KIRREL3: variants seen among roughly 807,000 people sequenced by gnomAD.
KIRREL3 encodes the protein kirre like nephrin family adhesion molecule 3.
In KIRREL3, 36 loss-of-function variants were observed where a neutral mutation model predicts 89.7. The ratio of observed to expected loss-of-function variants is 0.40; its 90% confidence interval spans 0.31 to 0.53. The LOEUF is 0.53. Among genes scored for constraint, KIRREL3 ranks in the 20% least tolerant of loss-of-function variants. The probability of loss-of-function intolerance (pLI) is 0.49; values close to 1 mark genes in which losing one functional copy is unlikely to be tolerated. For missense variants in KIRREL3, 864 were observed against 1,056.6 expected, an observed-to-expected ratio of 0.82 and a Z score of 2.53; for synonymous variants, 445 against 441.4, an observed-to-expected ratio of 1.01 and a Z score of -0.10.
intron 1 of KIRREL3, among the ~76,000 whole-genome samples, chr11:126,573,838 G>C (rs578210279): frequency 6.6e-6 from 1 of 152,322 alleles, no homozygotes; most frequent in South Asian, 2.1e-4. Context: ...AGAGACCACA[G>C]GGTGGCAGCA....
chr11:126,460,912 G>A (rs1338668521), intron 6 of KIRREL3, among the ~76,000 whole-genome samples: 1 of 152,206 alleles, frequency 6.6e-6, no homozygotes, highest in Non-Finnish European at 1.5e-5. Context: ...TTTTGTACAG[G>A]CCTCCTGATC....
Position 126,640,399 on chromosome 11 carries a change from G to A in KIRREL3, c.56-77487C>T, listed in dbSNP as rs1446738461. The stretch of plus-strand genomic sequence containing the variant: ...ACACGCGCACACACAGAATTAAAAG[G>A]CATCCTCATCCGGAACTAGCAAACA... On this transcript the variant is annotated intron_variant, in intron 1 of 16. Transcript: ENST00000525144. This position sits in a 1 kb window ranked among gnomAD's most constrained non-coding sequence, Gnocchi z 4.9. 6.6e-6 allele frequency among the ~76,000 whole-genome samples: 1 copy of A among 152,120 alleles called. No individual in the cohort carries two copies. Among genetic ancestry groups the A allele is most frequent in the Non-Finnish European group, 1.5e-5 (1 of 68,010 alleles).
At chr11:126,738,336 C>G (rs1948873912) in intron 1 of KIRREL3, among the ~76,000 whole-genome samples, 2 of 152,134 alleles carry the variant, frequency 1.3e-5, no homozygotes, top group South Asian at 2.1e-4. Flanking sequence ...GGTGAGCGCT[C>G]TCTTGCTTCC....
chr11:126,842,352 A>G (rs910362003), intron 1 of KIRREL3, among the ~76,000 whole-genome samples: 3 of 152,120 alleles, frequency 2.0e-5, no homozygotes, highest in Admixed American at 6.5e-5. Flanking sequence ...GCCATGAAAA[A>G]AACCTCCCTT....
chr11:126,731,856 G>A lies in KIRREL3; in HGVS notation c.56-168944C>T, dbSNP rs114829636. The stretch of plus-strand genomic sequence containing the variant: ...AAAGCTTGGCCCCCCAGCATATGCT[G>A]GATCAAAAGCAAGGAACAAAAAGGA... On this transcript the variant is annotated intron_variant, in intron 1 of 16. Transcript: ENST00000525144. 8.5e-3 allele frequency among the ~76,000 whole-genome samples: 1,301 copies of A among 152,346 alleles called. 18 individuals carry two copies. The highest frequency in any genetic ancestry group is 0.03 in the African/African-American group (1,235 of 41,576).
In KIRREL3 at chr11:126,761,269, C is replaced by T. The variant is rs1253953527; in HGVS notation, c.56-198357G>A. Among the ~76,000 whole-genome samples the T allele has an allele frequency of 6.6e-6, 1 of 152,238 alleles. No individual in the cohort carries two copies. Among genetic ancestry groups the T allele is most frequent in the Non-Finnish European group, 1.5e-5 (1 of 68,034 alleles). On this transcript the variant is annotated intron_variant, in intron 1 of 16. Coordinates refer to ENST00000525144, the MANE Select transcript of KIRREL3 (RefSeq NM_032531.4). The surrounding 1 kb of genome is among the most constrained non-coding windows in gnomAD (Gnocchi z 4.4). ...AGGTGGTCAGGTTGTCAGGCCCCTG[C>T]ACTCTGCCCAGGCAAAGGTATTCAC...
chr11:126,871,176 C>A (rs1459204487), intron 1 of KIRREL3, among the ~76,000 whole-genome samples: 1 of 152,200 alleles, frequency 6.6e-6, no homozygotes, highest in Non-Finnish European at 1.5e-5. Flanking sequence ...CTGCCGTCTG[C>A]TCTGACACCT....
chr11:126,834,950 C>A (rs950252663), intron 1 of KIRREL3, among the ~76,000 whole-genome samples: 10 of 152,236 alleles, frequency 6.6e-5, no homozygotes, highest in Admixed American at 5.2e-4. Flanking sequence ...GGACAACAAA[C>A]AGATATAGGG....
intron 1 of KIRREL3, among the ~76,000 whole-genome samples, chr11:126,573,599 G>T (rs976364182): frequency 1.3e-5 from 2 of 152,106 alleles, no homozygotes; most frequent in Non-Finnish European, 2.9e-5. Flanking sequence ...CCATTACGAC[G>T]CTGTATCCTA....
In KIRREL3 at chr11:126,427,290, T is replaced by G. The variant is rs564400502; in HGVS notation, c.1807-1566A>C. Reference sequence around the variant, plus strand: ...GCCCTGTGTTAGGCCCCAGGGGAAATAGATGAGCGTAGACTCAGAAACATG... The same window carrying G: ...GCCCTGTGTTAGGCCCCAGGGGAAAGAGATGAGCGTAGACTCAGAAACATG... On this transcript the variant is annotated intron_variant, in intron 15 of 16. Coordinates refer to ENST00000525144, the MANE Select transcript of KIRREL3 (RefSeq NM_032531.4). The surrounding 1 kb of genome is among the most constrained non-coding windows in gnomAD (Gnocchi z 5.3). 8.5e-5 allele frequency among the ~76,000 whole-genome samples: 13 copies of G among 152,174 alleles called. 1 individual carries two copies. The highest frequency in any genetic ancestry group is 2.4e-4 in the African/African-American group (10 of 41,510).
In KIRREL3 at chr11:126,651,666, A is replaced by G. The variant is rs74850704; in HGVS notation, c.56-88754T>C. Among the ~76,000 whole-genome samples, 449 of 152,364 alleles carry G rather than the reference A, an allele frequency of 2.9e-3. 4 individuals are homozygous for G. Among genetic ancestry groups the G allele is most frequent in the African/African-American group, 0.01 (435 of 41,588 alleles). On this transcript the variant is annotated intron_variant, in intron 1 of 16. Coordinates refer to ENST00000525144, the MANE Select transcript of KIRREL3 (RefSeq NM_032531.4). This position sits in a 1 kb window ranked among gnomAD's most constrained non-coding sequence, Gnocchi z 4.6. Reference sequence around the variant, plus strand: ...CCAAATTTGTGGGTATTATGGAGATATTAATTCCATATGAAACCTCACAAT... The same window carrying G: ...CCAAATTTGTGGGTATTATGGAGATGTTAATTCCATATGAAACCTCACAAT...
intron 1 of KIRREL3, among the ~76,000 whole-genome samples, chr11:126,644,228 C>T (rs1457045977): frequency 6.6e-6 from 1 of 152,072 alleles, no homozygotes; most frequent in East Asian, 1.9e-4. Flanking sequence ...ATCAAGTAGG[C>T]AGAAGGACGA....
rs1945855226 is a variant in KIRREL3 at position 126,890,151 on chromosome 11, A to G, written c.55+110304T>C. 6.6e-6 allele frequency among the ~76,000 whole-genome samples: 1 copy of G among 152,136 alleles called. No homozygotes were observed. On this transcript the variant is annotated intron_variant, in intron 1 of 16. Coordinates refer to ENST00000525144, the MANE Select transcript of KIRREL3 (RefSeq NM_032531.4). The surrounding 1 kb of genome is among the most constrained non-coding windows in gnomAD (Gnocchi z 5.1). ...AATTCTTGAGTTAAAATGAAGATAAAATTATTGGGGAGGTGGGGATAGAGC... is the reference window on the plus strand; with the variant it reads ...AATTCTTGAGTTAAAATGAAGATAAGATTATTGGGGAGGTGGGGATAGAGC...
At chr11:126,980,259 A>C (rs916424173) in intron 1 of KIRREL3, among the ~76,000 whole-genome samples, 1 of 152,230 alleles carries the variant, frequency 6.6e-6, no homozygotes, top group Non-Finnish European at 1.5e-5. Context: ...TTCTGGTGGA[A>C]GCTTGAAGAG....
chr11:126,696,364 G>C lies in KIRREL3; in HGVS notation c.56-133452C>G, dbSNP rs1441055975. Reference sequence around the variant, plus strand: ...TCCTCCTTGGTTGCCTTGTGTGGTTGATGGTGACATCATCCATCCAATTTC... The same window carrying C: ...TCCTCCTTGGTTGCCTTGTGTGGTTCATGGTGACATCATCCATCCAATTTC... On this transcript the variant is annotated intron_variant, in intron 1 of 16. Transcript: ENST00000525144. This position sits in a 1 kb window ranked among gnomAD's most constrained non-coding sequence, Gnocchi z 4.4. Among the ~76,000 whole-genome samples the C allele has an allele frequency of 6.6e-6, 1 of 151,332 alleles. No homozygotes were observed. The highest frequency in any genetic ancestry group is 1.5e-5 in the Non-Finnish European group (1 of 67,964).
At position 126,897,425 on chromosome 11, in the gene KIRREL3, T is replaced by A. The variant is rs536946328; in HGVS notation, c.55+103030A>T. 3.9e-5 allele frequency among the ~76,000 whole-genome samples: 6 copies of A among 152,232 alleles called. No individual in the cohort carries two copies. In the South Asian group the frequency reaches 1.2e-3, roughly 32 times the overall value. ...TCTTATTTTGGGGAAAAAAAATGAA[T>A]GTGCAATTCAACTGTACCCCAGAAC... On this transcript the variant is annotated intron_variant, in intron 1 of 16. Coordinates refer to ENST00000525144, the MANE Select transcript of KIRREL3 (RefSeq NM_032531.4). This position sits in a 1 kb window ranked among gnomAD's most constrained non-coding sequence, Gnocchi z 4.2.
Position 126,931,870 on chromosome 11 carries a change from T to C in KIRREL3, c.55+68585A>G, listed in dbSNP as rs992736306. ...GACACGTGTTGCCTTCTCACCCCAA[T>C]AGGAGTAGATGGACGAGGCATACTC... is the stretch of plus-strand genomic sequence containing the variant. On this transcript the variant is annotated intron_variant, in intron 1 of 16. Transcript: ENST00000525144. The surrounding 1 kb of genome is among the most constrained non-coding windows in gnomAD (Gnocchi z 5.1). 6.6e-6 allele frequency among the ~76,000 whole-genome samples: 1 copy of C among 152,042 alleles called. No individual in the cohort carries two copies. The highest frequency in any genetic ancestry group is 1.5e-5 in the Non-Finnish European group (1 of 68,010).
chr11:126,838,779 A>G (rs919577622), intron 1 of KIRREL3, among the ~76,000 whole-genome samples: 5 of 152,232 alleles, frequency 3.3e-5, no homozygotes, highest in African/African-American at 9.6e-5. Flanking sequence ...GGAAAAATGT[A>G]TGGCAGTAAT....
chr11:126,497,286 G>A (rs994478278), intron 4 of KIRREL3, among the ~76,000 whole-genome samples: 1 of 152,082 alleles, frequency 6.6e-6, no homozygotes, highest in Admixed American at 6.6e-5. Flanking sequence ...CAGGGTGTGT[G>A]TGTGAGAGAG....
Sources: gnomAD v4.1 joint callset for allele counts (sites outside exome capture counted in the v4.1 genomes callset) on GRCh38, gnomAD v4.1.1 for gene constraint, Gnocchi (gnomAD v3.1) non-coding constraint, MANE v1.5 for transcripts, NCBI Gene and HGNC (gene_info 2026-07-23, HGNC 2026-07-21) for gene names.